ENTREP2: variants seen among roughly 807,000 people sequenced by gnomAD.
ENTREP2 encodes the protein endosomal transmembrane epsin interactor 2, also known as protein ENTREP2.
the ENTREP2 span, among the ~76,000 whole-genome samples, chr15:29,602,236 C>A: frequency 2.6e-5 from 4 of 152,206 alleles, no homozygotes; most frequent in African/African-American, 9.6e-5. Context: ...TCACCCCAAG[C>A]ACCTACTACA....
At chr15:29,425,605 T>C in the ENTREP2 span, among the ~76,000 whole-genome samples, 2 of 152,244 alleles carry the variant, frequency 1.3e-5, no homozygotes, top group Admixed American at 6.5e-5. Context: ...GTAGCTAACA[T>C]AACTGAATTA....
chr15:29,323,372 T>C, the ENTREP2 span, among the ~76,000 whole-genome samples: 31,302 of 152,124 alleles, frequency 0.21, 3,955 homozygotes, highest in Middle Eastern at 0.33. Context: ...TTCAGAGAGC[T>C]TCCTGATAGC....
the ENTREP2 span, among the ~76,000 whole-genome samples, chr15:29,311,764 A>G: frequency 6.6e-6 from 1 of 152,220 alleles, no homozygotes; most frequent in Non-Finnish European, 1.5e-5. Flanking sequence ...GATATTACAC[A>G]CTATATTGTA....
At chr15:29,190,855 C>T in the ENTREP2 span, among the ~76,000 whole-genome samples, 2 of 152,192 alleles carry the variant, frequency 1.3e-5, no homozygotes, top group African/African-American at 4.8e-5. Context: ...AATGGACCTG[C>T]TCTAATTGCC....
the ENTREP2 span, among the ~76,000 whole-genome samples, chr15:29,336,418 C>T: frequency 1.3e-5 from 2 of 151,738 alleles, no homozygotes; most frequent in Non-Finnish European, 2.9e-5. Flanking sequence ...CTCAAACAAC[C>T]CTCCCACCTT....
At chr15:29,320,502 G>A in the ENTREP2 span, among the ~76,000 whole-genome samples, 1 of 152,110 alleles carries the variant, frequency 6.6e-6, no homozygotes, top group Non-Finnish European at 1.5e-5. Context: ...ATGGTAAAAG[G>A]CAAGGAAAAA....
chr15:29,555,847 T>C, the ENTREP2 span, among the ~76,000 whole-genome samples: 10 of 152,192 alleles, frequency 6.6e-5, no homozygotes, highest in Non-Finnish European at 1.3e-4. Flanking sequence ...CACACTCCTG[T>C]GCACAAATGG....
chr15:29,653,182 A>G, the ENTREP2 span, among the ~76,000 whole-genome samples: 1 of 152,146 alleles, frequency 6.6e-6, no homozygotes, highest in Non-Finnish European at 1.5e-5. Context: ...AGATGAAGAA[A>G]ACTGTCTGAA....
the ENTREP2 span, chr15:29,674,954 GC>G: frequency 6.6e-6 from 1 of 151,580 alleles, no homozygotes; most frequent in Non-Finnish European, 1.5e-5. Flanking sequence ...CCCTCCGCCA[GC>G]CCCGCTGGCT....
chr15:29,568,407 A>G, the ENTREP2 span, among the ~76,000 whole-genome samples: 2 of 152,212 alleles, frequency 1.3e-5, no homozygotes, highest in African/African-American at 4.8e-5. Flanking sequence ...CTAACAGGTT[A>G]TAGGTCGGGC....
the ENTREP2 span, among the ~76,000 whole-genome samples, chr15:29,634,526 G>C: frequency 2.6e-5 from 4 of 152,192 alleles, no homozygotes; most frequent in Non-Finnish European, 5.9e-5. Flanking sequence ...CAAATGTGCA[G>C]GGATTTCTCC....
At chr15:29,198,683 A>G in the ENTREP2 span, among the ~76,000 whole-genome samples, 1 of 152,252 alleles carries the variant, frequency 6.6e-6, no homozygotes, top group Non-Finnish European at 1.5e-5. Flanking sequence ...GCCCATGGCC[A>G]TGTTCCTAAA....
the ENTREP2 span, among the ~76,000 whole-genome samples, chr15:29,303,138 C>T: frequency 9.2e-5 from 14 of 152,194 alleles, no homozygotes; most frequent in African/African-American, 2.9e-4. Flanking sequence ...GCTGGGTGGC[C>T]TGGCCTGCCA....
chr15:29,269,739 T>C, the ENTREP2 span: 5 of 1,452,348 alleles, frequency 3.4e-6, no homozygotes, highest in Middle Eastern at 2.0e-4. Flanking sequence ...CACACTCCGG[T>C]AGGCAAGCAG....
At chr15:29,636,058 T>TC in the ENTREP2 span, among the ~76,000 whole-genome samples, 1 of 152,136 alleles carries the variant, frequency 6.6e-6, no homozygotes, top group Non-Finnish European at 1.5e-5. Context: ...AGGAGCTGGT[T>TC]CAGTCTTCAA....
At chr15:29,517,519 G>A in the ENTREP2 span, among the ~76,000 whole-genome samples, 3 of 151,842 alleles carry the variant, frequency 2.0e-5, no homozygotes, top group African/African-American at 4.8e-5. Context: ...TGAACTTCCC[G>A]TTGTAAAAAA....
chr15:29,396,305 G>A, the ENTREP2 span, among the ~76,000 whole-genome samples: 1 of 148,308 alleles, frequency 6.7e-6, no homozygotes, highest in Non-Finnish European at 1.5e-5. Flanking sequence ...TCTCCTCTCT[G>A]TTACCATGAG....
At chr15:29,328,296 A>G in the ENTREP2 span, among the ~76,000 whole-genome samples, 1 of 152,218 alleles carries the variant, frequency 6.6e-6, no homozygotes, top group African/African-American at 2.4e-5. Flanking sequence ...TAAATAAGTG[A>G]AGTCCAGAGA....
the ENTREP2 span, among the ~76,000 whole-genome samples, chr15:29,306,561 G>C: frequency 6.8e-6 from 1 of 146,854 alleles, no homozygotes; most frequent in Non-Finnish European, 1.5e-5. Context: ...GCACATACTT[G>C]TATTTCTGAT....
Sources: gnomAD v4.1 joint callset for allele counts (sites outside exome capture counted in the v4.1 genomes callset) on GRCh38, gnomAD v4.1.1 for gene constraint, MANE v1.5 for transcripts, NCBI Gene and HGNC (gene_info 2026-07-23, HGNC 2026-07-21) for gene names.